LIPA: variants seen among roughly 807,000 people sequenced by gnomAD.
LIPA encodes lysosomal acid lipase/cholesteryl ester hydrolase.
Under a neutral mutation model 40.6 loss-of-function variants are expected in LIPA, and 26 were observed. That is an observed-to-expected ratio of 0.64 (90% CI 0.47 to 0.89). The LOEUF (loss-of-function observed/expected upper bound fraction) is 0.89, where lower values mean the gene tolerates loss of function less well. Among genes scored for constraint, LIPA ranks in the 40% least tolerant of loss-of-function variants. The probability of loss-of-function intolerance (pLI) is 0.00; values close to 1 mark genes in which losing one functional copy is unlikely to be tolerated. For missense variants in LIPA, 455 were observed against 479.6 expected, an observed-to-expected ratio of 0.95 and a Z score of 0.48; for synonymous variants, 188 against 168.4, an observed-to-expected ratio of 1.12 and a Z score of -0.90.
intron 2 of LIPA, among the ~76,000 whole-genome samples, chr10:89,392,920 T>C (rs770893870): frequency 3.3e-5 from 5 of 152,212 alleles, no homozygotes; most frequent in Non-Finnish European, 7.3e-5. Flanking sequence ...TTTATGTTTG[T>C]TAGCATGAAC....
At chr10:89,248,811 C>G (rs1404855295) in intron 1 of LIPA, among the ~76,000 whole-genome samples, 1 of 152,152 alleles carries the variant, frequency 6.6e-6, no homozygotes, top group Non-Finnish European at 1.5e-5. Flanking sequence ...AGAAACCTCC[C>G]ACCCACCACC....
At chr10:89,242,342 T>C (rs980382220) in intron 3 of LIPA, among the ~76,000 whole-genome samples, 9 of 152,212 alleles carry the variant, frequency 5.9e-5, no homozygotes, top group African/African-American at 2.2e-4. Flanking sequence ...CTGGACAGAA[T>C]ATTTAAGGAA....
chr10:89,306,000 A>G (rs1192668211), intron 1 of LIPA: 1 of 1,613,838 alleles, frequency 6.2e-7, no homozygotes, highest in Non-Finnish European at 8.5e-7. Flanking sequence ...AGCCTACGGC[A>G]ACTAAAATGC....
intron 1 of LIPA, among the ~76,000 whole-genome samples, chr10:89,248,619 C>G (rs868651494): frequency 6.7e-6 from 1 of 149,854 alleles, no homozygotes; most frequent in Non-Finnish European, 1.5e-5. Context: ...GGACTACAGG[C>G]GCCCGCCACC....
intron 2 of LIPA, among the ~76,000 whole-genome samples, chr10:89,395,663 A>G (rs1844332273): frequency 6.6e-6 from 1 of 152,196 alleles, no homozygotes; most frequent in South Asian, 2.1e-4. Context: ...ACCTAGACAT[A>G]GATCAGACGC....
chr10:89,226,915 T>C lies in LIPA; in HGVS notation c.518A>G (p.His173Arg). ...CATACCTATAGTGGTGCCTTGAGAA[T>C]GACCCACATAATACACTTGTTCTTG... is the stretch of plus-strand genomic sequence containing the variant. ...TGQEQVYYVG[H>R]SQGTTIGFIA... Residue 173 changes from histidine to arginine, a missense_variant, in exon 5 of 10, where the codon CAT becomes CGT. Physicochemically the swap from His to Arg is conservative, Grantham distance 29. Coordinates refer to ENST00000336233, the MANE Select transcript of LIPA (RefSeq NM_000235.4). 6.3e-7 allele frequency: 1 copy of C among 1,596,456 alleles called. No individual in the cohort carries two copies. Among genetic ancestry groups the C allele is most frequent in the Non-Finnish European group, 8.6e-7 (1 of 1,164,288 alleles).
At chr10:89,307,113 A>C in intron 1 of LIPA, 2 of 1,614,114 alleles carry the variant, frequency 1.2e-6, no homozygotes, top group Non-Finnish European at 1.7e-6. Flanking sequence ...TACCAAATGA[A>C]GTGTGAAGAC....
chr10:89,384,109 T>C (rs1195210960), intron 2 of LIPA: 4 of 1,613,966 alleles, frequency 2.5e-6, no homozygotes, highest in East Asian at 2.2e-5. Context: ...AAGAAAAGGG[T>C]CTGTGGATAA....
chr10:89,225,937 G>A (rs542369230), intron 5 of LIPA, among the ~76,000 whole-genome samples: 95 of 152,168 alleles, frequency 6.2e-4, no homozygotes, highest in Non-Finnish European at 1.2e-3. Flanking sequence ...TTGCTCTTCC[G>A]TCATTATTGT....
intron 1 of LIPA, chr10:89,302,179 A>G (rs199820972): frequency 3.4e-5 from 55 of 1,601,960 alleles, no homozygotes; most frequent in South Asian, 7.7e-5. Flanking sequence ...ATCTTGTCCA[A>G]TGCAAATCCT....
At chr10:89,364,348 C>T (rs977041070) in intron 2 of LIPA, among the ~76,000 whole-genome samples, 1 of 152,154 alleles carries the variant, frequency 6.6e-6, no homozygotes, top group Admixed American at 6.5e-5. Context: ...GTCAGCTGTT[C>T]AAAGGAGATT....
intron 1 of LIPA, among the ~76,000 whole-genome samples, chr10:89,273,840 G>A (rs1301274332): frequency 6.6e-6 from 1 of 152,200 alleles, no homozygotes; most frequent in African/African-American, 2.4e-5. Context: ...GAGAGCAAAG[G>A]TTAACACACT....
chr10:89,251,122 T>C (rs2133476469), intron 1 of LIPA, among the ~76,000 whole-genome samples: 1 of 152,340 alleles, frequency 6.6e-6, no homozygotes, highest in South Asian at 2.1e-4. Flanking sequence ...ATTTAAGCTC[T>C]TGCGAGGCGC....
At chr10:89,339,622 G>C in intron 1 of LIPA, 1 of 1,614,198 alleles carries the variant, frequency 6.2e-7, no homozygotes, top group Non-Finnish European at 8.5e-7. Context: ...TAAAGCTCTT[G>C]AGAAGGGACT....
At position 89,228,236 on chromosome 10, in the gene LIPA, G is replaced by T. The variant is rs1244084255; in HGVS notation, c.392C>A (p.Thr131Lys). 1 of 1,614,098 alleles carries T rather than the reference G, an allele frequency of 6.2e-7. No individual in the cohort carries two copies. The highest frequency in any genetic ancestry group is 8.5e-7 in the Non-Finnish European group (1 of 1,179,966). ...GAATTCATCCTGAGAAACTGAGAGTGTCTTATGTTTCCGAGACCAGGTATT... is the reference window on the plus strand; with the variant it reads ...GAATTCATCCTGAGAAACTGAGAGTTTCTTATGTTTCCGAGACCAGGTATT... Reference protein sequence around the residue: ...RGNTWSRKHKTLSVSQDEFWA... With the variant: ...RGNTWSRKHKKLSVSQDEFWA... Residue 131 changes from threonine (T) to lysine (K), a missense_variant, in exon 4 of 10, where the codon ACA (threonine) becomes AAA (lysine). Thr to Lys is a moderately conservative substitution (Grantham distance 78). Transcript: ENST00000336233.
At chr10:89,222,731 A>G (rs1842716646) in intron 7 of LIPA, 149 bp from the exon 8 acceptor site, 6 of 684,608 alleles carry the variant, frequency 8.8e-6, no homozygotes, top group Non-Finnish European at 1.6e-5. Context: ...TTATTTGACT[A>G]AAAATCTGCC....
chr10:89,383,170 A>G, intron 2 of LIPA: 1 of 679,322 alleles, frequency 1.5e-6, no homozygotes, highest in Non-Finnish European at 2.5e-6. Flanking sequence ...CTCTTTCCTA[A>G]TGACATGACT....
At position 89,280,341 on chromosome 10, in the gene LIPA, A is replaced by T. The variant is rs185653592; in HGVS notation, c.-1-32692T>A. Among the ~76,000 whole-genome samples the T allele has an allele frequency of 1.1e-3, 174 of 152,362 alleles. 2 individuals are homozygous for T. Among genetic ancestry groups the T allele is most frequent in the South Asian group, 9.9e-3 (48 of 4,828 alleles). ...GAAGAATCTCCCTCCATAGTCAGGT[A>T]AAAAGTGAACGTGCTCTCAGGCAAA... On this transcript the variant is annotated intron_variant, in intron 1 of 5. Coordinates refer to the LIPA transcript ENST00000282673.
At chr10:89,392,257 A>G (rs1469632861) in intron 2 of LIPA, among the ~76,000 whole-genome samples, 1 of 152,140 alleles carries the variant, frequency 6.6e-6, no homozygotes, top group East Asian at 1.9e-4. Flanking sequence ...CTGAAAATAG[A>G]GCTATCTCCT....
Sources: allele counts gnomAD v4.1 joint callset (sites outside exome capture counted in the v4.1 genomes callset), GRCh38; gene constraint gnomAD v4.1.1; transcripts MANE v1.5; gene names NCBI Gene and HGNC (gene_info 2026-07-23, HGNC 2026-07-21).